ITPK1: variants seen among roughly 807,000 people sequenced by gnomAD.
ITPK1 encodes the protein inositol 1,3,4-trisphosphate 5/6-kinase.
ITPK1 carries 21 observed loss-of-function variants against 45.3 expected under a neutral mutation model. The observed-to-expected ratio is 0.46, with a 90% CI of 0.33 to 0.67. The LOEUF is 0.67. Ranked by LOEUF, ITPK1 falls within the 30% of genes least tolerant of loss-of-function variation. The pLI, the probability that ITPK1 is intolerant of heterozygous loss-of-function variation, is 0.02. For missense variants in ITPK1, 474 were observed against 573.5 expected (o/e 0.83, Z 1.77); for synonymous variants, 258 against 253.6 (o/e 1.02, Z -0.16).
At chr14:93,098,314 G>A (rs540665559) in intron 2 of ITPK1, among the ~76,000 whole-genome samples, 24 of 152,030 alleles carry the variant, frequency 1.6e-4, no homozygotes, top group African/African-American at 2.7e-4. Flanking sequence ...AAAAGTAGCC[G>A]GGCATGGTGG....
At chr14:93,030,869 A>C (rs568167740) in intron 3 of ITPK1, among the ~76,000 whole-genome samples, 3 of 152,270 alleles carry the variant, frequency 2.0e-5, no homozygotes, top group Admixed American at 2.0e-4. Flanking sequence ...GCTCCTATAA[A>C]AAGGGGAAAT....
At chr14:92,996,648 G>A (rs908597304) in intron 4 of ITPK1, among the ~76,000 whole-genome samples, 13 of 152,068 alleles carry the variant, frequency 8.5e-5, no homozygotes, top group African/African-American at 3.1e-4. Flanking sequence ...TATGTGGGGT[G>A]CAGCAGATAC....
At chr14:92,946,673 G>T (rs1001266488) in intron 9 of ITPK1, among the ~76,000 whole-genome samples, 180 bp from the exon 10 acceptor site, 3 of 152,218 alleles carry the variant, frequency 2.0e-5, no homozygotes, top group Non-Finnish European at 4.4e-5. Flanking sequence ...TCTGAGGGCC[G>T]CCAGGCACGA....
chr14:92,953,693 T>C (rs1888066226), intron 8 of ITPK1, among the ~76,000 whole-genome samples: 1 of 151,216 alleles, frequency 6.6e-6, no homozygotes, highest in Non-Finnish European at 1.5e-5. Context: ...ATCAGGGAGG[T>C]TGGGAAGTCT....
In ITPK1 at chr14:93,111,951, G is replaced by T. The variant is rs572927500; in HGVS notation, c.95+3118C>A. On this transcript the variant is annotated intron_variant, in intron 2 of 10. Transcript: ENST00000267615. ...CCTATCAGAGTGCACATCTGAAAAG[G>T]CTGGCGCCTGTCCCTACCTACGGCA... Among the ~76,000 whole-genome samples the T allele has an allele frequency of 4.6e-5, 7 of 152,082 alleles. 1 individual carries two copies. Among genetic ancestry groups the T allele is most frequent in the Middle Eastern group, 6.3e-3 (2 of 316 alleles).
intron 10 of ITPK1, among the ~76,000 whole-genome samples, chr14:92,944,257 A>G (rs1595072677): frequency 6.6e-6 from 1 of 152,084 alleles, no homozygotes; most frequent in South Asian, 2.1e-4. Context: ...CTTGGCCCCA[A>G]AAGGGTGCTC....
At chr14:92,976,916 T>TC (rs1885972542) in intron 5 of ITPK1, among the ~76,000 whole-genome samples, 2 of 152,188 alleles carry the variant, frequency 1.3e-5, no homozygotes, top group Non-Finnish European at 2.9e-5. Flanking sequence ...TAAGGAAGGC[T>TC]CCTTTCCCAC....
intron 4 of ITPK1, among the ~76,000 whole-genome samples, chr14:93,010,918 G>C (rs1404691142): frequency 6.6e-6 from 1 of 151,766 alleles, no homozygotes; most frequent in Non-Finnish European, 1.5e-5. Flanking sequence ...ACACACACGT[G>C]CACCACTCAC....
chr14:92,994,024 T>C (rs534674048), intron 4 of ITPK1, 27 bp from the exon 5 acceptor site: 1 of 1,473,286 alleles, frequency 6.8e-7, no homozygotes, highest in South Asian at 1.1e-5. Flanking sequence ...CTGCTCTGGT[T>C]AGAGCAGGGG....
In ITPK1 at chr14:92,958,818, G is replaced by A. The variant is rs1312655259; in HGVS notation, c.505-452C>T. Among the ~76,000 whole-genome samples, 1 of 152,158 alleles carries A rather than the reference G, an allele frequency of 6.6e-6. No individual in the cohort carries two copies. Among genetic ancestry groups the A allele is most frequent in the Admixed American group, 6.5e-5 (1 of 15,280 alleles). On this transcript the variant is annotated intron_variant, in intron 7 of 10. Transcript: ENST00000267615. The surrounding 1 kb of genome is among the most constrained non-coding windows in gnomAD (Gnocchi z 4.4). ...GGGTCAAAGCCTGTCTGATGACAAC[G>A]GCTGCCTCTTGTCAAGCAGTTGTGA... is the stretch of plus-strand genomic sequence containing the variant.
intron 2 of ITPK1, among the ~76,000 whole-genome samples, chr14:93,097,431 G>A (rs1421495455): frequency 1.3e-5 from 2 of 152,116 alleles, no homozygotes; most frequent in Admixed American, 6.5e-5. Flanking sequence ...CAGCGCCTTC[G>A]GTTAGCCAAA....
At chr14:92,960,243 A>T (rs1197685846) in intron 7 of ITPK1, among the ~76,000 whole-genome samples, 1 of 152,114 alleles carries the variant, frequency 6.6e-6, no homozygotes, top group Non-Finnish European at 1.5e-5. Flanking sequence ...ATGAGGAGTG[A>T]TTTATAGCTT....
chr14:92,945,233 G>C (rs1022356134), intron 10 of ITPK1, among the ~76,000 whole-genome samples: 12 of 152,260 alleles, frequency 7.9e-5, no homozygotes, highest in Non-Finnish European at 1.5e-4. Flanking sequence ...AACACCAGCT[G>C]AATGACAGGA....
intron 2 of ITPK1, among the ~76,000 whole-genome samples, chr14:93,080,609 G>A (rs1031309801): frequency 6.6e-6 from 1 of 152,230 alleles, no homozygotes; most frequent in African/African-American, 2.4e-5. Context: ...AGACTGAGGT[G>A]CGTGTGCTGC....
rs540492974 is a variant in ITPK1 at position 92,985,388 on chromosome 14, G to A, written c.364+8492C>T. ...GTCAGATAGGATGTTAACACTGGAG[G>A]AAGCTGTGCAAAGGGTATATGGGAA... On this transcript the variant is annotated intron_variant, in intron 5 of 10. Coordinates refer to ENST00000267615, the MANE Select transcript of ITPK1 (RefSeq NM_014216.6). Among the ~76,000 whole-genome samples, 4 of 152,226 alleles carry A rather than the reference G, an allele frequency of 2.6e-5. No homozygotes were observed. In the South Asian group the frequency reaches 8.3e-4, roughly 32 times the overall value.
intron 5 of ITPK1, among the ~76,000 whole-genome samples, chr14:92,992,361 C>A (rs1422236090): frequency 6.6e-6 from 1 of 152,218 alleles, no homozygotes; most frequent in Non-Finnish European, 1.5e-5. Flanking sequence ...ACATACAGCT[C>A]TTTCTTCCCA....
chr14:92,956,860 T>C (rs1417295881), intron 8 of ITPK1, among the ~76,000 whole-genome samples: 1 of 152,186 alleles, frequency 6.6e-6, no homozygotes, highest in Non-Finnish European at 1.5e-5. Flanking sequence ...TAGCCACATA[T>C]AAAAATATGC....
chr14:92,986,631 T>A (rs1595112381), intron 5 of ITPK1, among the ~76,000 whole-genome samples: 1 of 152,094 alleles, frequency 6.6e-6, no homozygotes, highest in Admixed American at 6.5e-5. Context: ...AAGTGGGGTA[T>A]CTCGTCCAGA....
At chr14:93,057,500 C>G (rs1890255254) in intron 3 of ITPK1, among the ~76,000 whole-genome samples, 1 of 152,240 alleles carries the variant, frequency 6.6e-6, no homozygotes, top group Non-Finnish European at 1.5e-5. Flanking sequence ...ATGAACAGGG[C>G]AACCTCACCA....
Sources: gnomAD v4.1 joint callset for allele counts (sites outside exome capture counted in the v4.1 genomes callset) on GRCh38, gnomAD v4.1.1 for gene constraint, Gnocchi (gnomAD v3.1) non-coding constraint, MANE v1.5 for transcripts, NCBI Gene and HGNC (gene_info 2026-07-23, HGNC 2026-07-21) for gene names.